The following KCNIP4 variants were observed in gnomAD, a reference collection of about 807,000 sequenced individuals.
KCNIP4 encodes the protein potassium voltage-gated channel interacting protein 4.
Under a neutral mutation model 34.0 loss-of-function variants are expected in KCNIP4, and 12 were observed. The ratio of observed to expected loss-of-function variants is 0.35; its 90% confidence interval spans 0.23 to 0.57. The LOEUF (loss-of-function observed/expected upper bound fraction) is 0.57. Among genes scored for constraint, KCNIP4 ranks in the 20% least tolerant of loss-of-function variants. The pLI, the probability that KCNIP4 is intolerant of heterozygous loss-of-function variation, is 0.83. For synonymous variants in KCNIP4, 124 were observed against 102.2 expected, an observed-to-expected ratio of 1.21 and a Z score of -1.29; for missense variants, 238 against 311.7, an observed-to-expected ratio of 0.76 and a Z score of 1.78.
chr4:21,663,476 G>A (rs1560605119), intron 1 of KCNIP4, among the ~76,000 whole-genome samples: 1 of 152,118 alleles, frequency 6.6e-6, no homozygotes, highest in Admixed American at 6.6e-5. Flanking sequence ...TGGCTGCTCA[G>A]AGCCTAGCTG....
intron 1 of KCNIP4, among the ~76,000 whole-genome samples, chr4:21,915,578 A>G (rs1728583193): frequency 6.6e-6 from 1 of 152,240 alleles, no homozygotes; most frequent in Non-Finnish European, 1.5e-5. Context: ...TTCTTCCCTT[A>G]TAGCCACAAA....
At chr4:21,311,687 CA>C (rs553580148) in intron 1 of KCNIP4, among the ~76,000 whole-genome samples, 1 of 137,642 alleles carries the variant, frequency 7.3e-6, no homozygotes, top group African/African-American at 3.1e-5. Context: ...GACTCTGTCT[CA>C]AAAAAAAGAA....
Position 21,115,603 on chromosome 4 carries a change from A to G in KCNIP4, c.62-232894T>C, listed in dbSNP as rs1190837886. Among the ~76,000 whole-genome samples, 5 of 152,324 alleles carry G rather than the reference A, an allele frequency of 3.3e-5. No homozygotes were observed. The East Asian group carries it at 9.6e-4, about 29-fold the overall frequency. On this transcript the variant is annotated intron_variant, in intron 1 of 8. Coordinates refer to ENST00000382152, the MANE Select transcript of KCNIP4 (RefSeq NM_025221.6). The stretch of plus-strand genomic sequence containing the variant: ...ATTCAGCTTTAGTAGGAGTTTAATT[A>G]TAAAATGAAACCAAGCAAAGCCTAA...
At chr4:21,503,801 G>A (rs894035492) in intron 1 of KCNIP4, among the ~76,000 whole-genome samples, 16 of 152,286 alleles carry the variant, frequency 1.1e-4, no homozygotes, top group African/African-American at 2.4e-4. Flanking sequence ...GGAGTGAACC[G>A]TGTTGATCAA....
rs17572913 is a variant in KCNIP4 at position 20,959,463 on chromosome 4, A to T, written c.62-76754T>A. Among the ~76,000 whole-genome samples, 1,221 of 152,294 alleles carry T rather than the reference A, an allele frequency of 8.0e-3. 9 individuals carry two copies. The highest frequency in any genetic ancestry group is 0.014 in the Non-Finnish European group (923 of 68,020). On this transcript the variant is annotated intron_variant, in intron 1 of 8. Coordinates refer to ENST00000382152, the MANE Select transcript of KCNIP4 (RefSeq NM_025221.6). ...ATCTGCAAGAAAGGGTATGGATGAGAATTGTTGAAAGCTAGTATATGCTAA... is the reference window on the plus strand; with the variant it reads ...ATCTGCAAGAAAGGGTATGGATGAGTATTGTTGAAAGCTAGTATATGCTAA...
At chr4:20,814,925 C>A (rs1716197267) in intron 3 of KCNIP4, among the ~76,000 whole-genome samples, 1 of 152,190 alleles carries the variant, frequency 6.6e-6, no homozygotes, top group African/African-American at 2.4e-5. Context: ...ATCCTGCTGT[C>A]TACTGAAGTC....
intron 1 of KCNIP4, among the ~76,000 whole-genome samples, chr4:21,168,224 G>C (rs1448582027): frequency 6.6e-6 from 1 of 152,096 alleles, no homozygotes; most frequent in Non-Finnish European, 1.5e-5. Context: ...TTTACCCCAG[G>C]CTTCTTGGTA....
intron 1 of KCNIP4, among the ~76,000 whole-genome samples, chr4:21,566,993 C>T (rs1283836484): frequency 1.3e-5 from 2 of 152,118 alleles, no homozygotes; most frequent in African/African-American, 4.8e-5. Flanking sequence ...CACCAACAAC[C>T]TCATTTATAT....
chr4:20,899,657 T>A (rs549275759), intron 1 of KCNIP4, among the ~76,000 whole-genome samples: 1 of 152,282 alleles, frequency 6.6e-6, no homozygotes, highest in Non-Finnish European at 1.5e-5. Context: ...AATAATGCAA[T>A]ACACAAGTTT....
intron 1 of KCNIP4, among the ~76,000 whole-genome samples, chr4:21,735,518 C>T (rs1171808602): frequency 6.6e-6 from 1 of 152,096 alleles, no homozygotes; most frequent in Non-Finnish European, 1.5e-5. Context: ...TTACCAACTC[C>T]GTGTTCAATG....
At position 21,084,321 on chromosome 4, in the gene KCNIP4, T is replaced by C. The variant is rs560047374; in HGVS notation, c.62-201612A>G. Among the ~76,000 whole-genome samples, 63 of 152,058 alleles carry C rather than the reference T, an allele frequency of 4.1e-4. No individual in the cohort carries two copies. The South Asian group carries it at 5.4e-3, about 13-fold the overall frequency. ...CGCAGTGACAATTATGACTTAGTCA[T>C]CAAAGGTGAATTGATACAAACACTT... On this transcript the variant is annotated intron_variant, in intron 1 of 8. Transcript: ENST00000382152.
At chr4:21,516,096 A>G (rs1734735526) in intron 1 of KCNIP4, among the ~76,000 whole-genome samples, 1 of 152,198 alleles carries the variant, frequency 6.6e-6, no homozygotes, top group Non-Finnish European at 1.5e-5. Context: ...GATGAATGAA[A>G]AACATCTAGC....
chr4:21,411,794 T>C (rs185093711), intron 1 of KCNIP4, among the ~76,000 whole-genome samples: 1 of 152,234 alleles, frequency 6.6e-6, no homozygotes, highest in East Asian at 1.9e-4. Flanking sequence ...GCCGTGACCA[T>C]GCCACTACAC....
chr4:21,623,603 A>C (rs946534763), intron 1 of KCNIP4, among the ~76,000 whole-genome samples: 15 of 152,184 alleles, frequency 9.9e-5, no homozygotes, highest in African/African-American at 2.9e-4. Flanking sequence ...TCTGCCATCT[A>C]CTACTCTCAA....
At chr4:21,805,210 AG>A (rs1721220625) in intron 1 of KCNIP4, among the ~76,000 whole-genome samples, 8 of 152,174 alleles carry the variant, frequency 5.3e-5, no homozygotes, top group Admixed American at 5.2e-4. Context: ...ACCTCAATAA[AG>A]CTATTACCAA....
At chr4:21,076,379 T>A (rs73802450) in intron 1 of KCNIP4, among the ~76,000 whole-genome samples, 1 of 152,128 alleles carries the variant, frequency 6.6e-6, no homozygotes, top group Non-Finnish European at 1.5e-5. Context: ...ATGGCTCTTA[T>A]AGCCTGTGCC....
intron 1 of KCNIP4, among the ~76,000 whole-genome samples, chr4:21,655,116 C>T (rs953501950): frequency 1.2e-4 from 18 of 152,198 alleles, no homozygotes; most frequent in African/African-American, 4.1e-4. Context: ...ATGTACTATT[C>T]CATCCAGAAG....
chr4:20,887,556 A>G (rs1304418048), intron 1 of KCNIP4, among the ~76,000 whole-genome samples: 1 of 152,152 alleles, frequency 6.6e-6, no homozygotes, highest in Non-Finnish European at 1.5e-5. Context: ...ATTTTTCATC[A>G]AGAACAGCAG....
At chr4:21,487,237 T>G (rs1160542979) in intron 1 of KCNIP4, among the ~76,000 whole-genome samples, 1 of 152,220 alleles carries the variant, frequency 6.6e-6, no homozygotes, top group East Asian at 1.9e-4. Flanking sequence ...CAGACTTTTT[T>G]TGTTTTTTGA....
Sources: allele counts gnomAD v4.1 joint callset (sites outside exome capture counted in the v4.1 genomes callset), GRCh38; gene constraint gnomAD v4.1.1; transcripts MANE v1.5; gene names NCBI Gene and HGNC (gene_info 2026-07-23, HGNC 2026-07-21).